PTPRE: variants seen among roughly 807,000 people sequenced by gnomAD.
PTPRE encodes the protein protein tyrosine phosphatase receptor type E.
Under a neutral mutation model 102.0 loss-of-function variants are expected in PTPRE, and 51 were observed. The observed-to-expected ratio is 0.50, with a 90% CI of 0.40 to 0.63. The LOEUF is 0.63. Ranked by LOEUF, PTPRE falls within the 30% of genes least tolerant of loss-of-function variation. The pLI is 0.00. For missense variants in PTPRE, 752 were observed against 915.1 expected (o/e 0.82, Z 2.30); for synonymous variants, 345 against 348.2 (o/e 0.99, Z 0.10).
intron 1 of PTPRE, among the ~76,000 whole-genome samples, chr10:127,912,876 G>T (rs1237264806): frequency 6.6e-6 from 1 of 152,266 alleles, no homozygotes; most frequent in African/African-American, 2.4e-5. Context: ...CCAGGTAGCA[G>T]TGGAGGAGGC....
At chr10:128,004,109 A>G (rs895727854) in intron 2 of PTPRE, among the ~76,000 whole-genome samples, 1 of 151,840 alleles carries the variant, frequency 6.6e-6, no homozygotes, top group Non-Finnish European at 1.5e-5. Flanking sequence ...AAGCACTTAG[A>G]AAGGGCAAAA....
intron 1 of PTPRE, among the ~76,000 whole-genome samples, chr10:127,914,464 T>C (rs1846072912): frequency 6.6e-6 from 1 of 152,212 alleles, no homozygotes; most frequent in Admixed American, 6.5e-5. Flanking sequence ...CATCCACTTG[T>C]TATAAAACAC....
rs1349657234 is a variant in PTPRE, at chr10:127,907,360, C to A, written c.-31+51C>A. 5 of 982,674 alleles carry A rather than the reference C, an allele frequency of 5.1e-6. No individual in the cohort carries two copies. Among genetic ancestry groups the A allele is most frequent in the Non-Finnish European group, 4.8e-6 (4 of 828,096 alleles). The allele number at this position is 982,674 out of a possible 1,614,324, so 60.9% of individuals were successfully genotyped here. Reference sequence around the variant, plus strand: ...CTGCGCCCCTGTGGGGAACTGTGCACCCCGGGAGGCCCAAGCAGGCCGGGG... The same window carrying A: ...CTGCGCCCCTGTGGGGAACTGTGCAACCCGGGAGGCCCAAGCAGGCCGGGG... On this transcript the variant is annotated intron_variant, in intron 1 of 20. Transcript: ENST00000254667. This position sits in a 1 kb window ranked among gnomAD's most constrained non-coding sequence, Gnocchi z 4.8.
chr10:128,042,994 A>G (rs534246679), intron 3 of PTPRE, among the ~76,000 whole-genome samples: 1 of 152,170 alleles, frequency 6.6e-6, no homozygotes, highest in Non-Finnish European at 1.5e-5. Context: ...CATTTTACCT[A>G]TCAGATGGAC....
chr10:128,025,742 G>A (rs1380809780), intron 2 of PTPRE, among the ~76,000 whole-genome samples: 1 of 152,142 alleles, frequency 6.6e-6, no homozygotes, highest in African/African-American at 2.4e-5. Flanking sequence ...ATGTCGGGCT[G>A]GACTTTGCCA....
chr10:127,930,394 G>T (rs1010836298), intron 1 of PTPRE, among the ~76,000 whole-genome samples: 4 of 152,122 alleles, frequency 2.6e-5, no homozygotes, highest in African/African-American at 9.7e-5. Context: ...TTTGAGTCTG[G>T]CTTCTTTCAC....
rs181528223 is a variant in PTPRE, at chr10:128,058,558, G to A, written c.511+2345G>A. On this transcript the variant is annotated intron_variant, in intron 7 of 20. Coordinates refer to ENST00000254667, the MANE Select transcript of PTPRE (RefSeq NM_006504.6). Reference sequence around the variant, plus strand: ...GTTTACAGAATGGTGGCATGGAGACGCTGTGGCCTGGCAAGGATCAATGGG... The same window carrying A: ...GTTTACAGAATGGTGGCATGGAGACACTGTGGCCTGGCAAGGATCAATGGG... Among the ~76,000 whole-genome samples the A allele has an allele frequency of 3.9e-3, 595 of 152,346 alleles. 3 individuals are homozygous for A. Among genetic ancestry groups the A allele is most frequent in the African/African-American group, 0.013 (556 of 41,578 alleles).
At chr10:127,965,381 G>A (rs1454871173) in intron 1 of PTPRE, among the ~76,000 whole-genome samples, 1 of 151,550 alleles carries the variant, frequency 6.6e-6, no homozygotes, top group Non-Finnish European at 1.5e-5. Context: ...GTGGAAATGT[G>A]AAAAAAGCCT....
At chr10:128,021,145 T>G (rs1265791217) in intron 2 of PTPRE, among the ~76,000 whole-genome samples, 1 of 152,188 alleles carries the variant, frequency 6.6e-6, no homozygotes, top group East Asian at 1.9e-4. Context: ...TCCACCTGCC[T>G]TGGCCTCCCA....
chr10:127,960,973 A>C (rs952419514), intron 1 of PTPRE, among the ~76,000 whole-genome samples: 17 of 151,482 alleles, frequency 1.1e-4, no homozygotes, highest in Admixed American at 6.6e-5. Context: ...ATGAGCTGAG[A>C]TAGCACCACT....
chr10:128,051,533 G>A (rs2135873769), intron 6 of PTPRE, among the ~76,000 whole-genome samples: 1 of 152,308 alleles, frequency 6.6e-6, no homozygotes, highest in East Asian at 1.9e-4. Flanking sequence ...TCACCACACA[G>A]CTACTCATCC....
chr10:127,916,868 T>G lies in PTPRE; in HGVS notation c.-31+9559T>G, dbSNP rs1846244035. Among the ~76,000 whole-genome samples, 7 of 152,138 alleles carry G rather than the reference T, an allele frequency of 4.6e-5. No individual in the cohort carries two copies. The South Asian group carries it at 1.4e-3, about 31-fold the overall frequency. ...CTCATTCTCCAGAAAAACGCATGTG[T>G]GCACACAGTCATTTGTATAGTTTCA... On this transcript the variant is annotated intron_variant, in intron 1 of 20. Transcript: ENST00000254667.
rs375580865 is a variant in PTPRE at position 128,048,300 on chromosome 10, G to A, written c.283+463G>A. 5.3e-5 allele frequency among the ~76,000 whole-genome samples: 8 copies of A among 152,296 alleles called. No homozygotes were observed. The East Asian group carries it at 7.7e-4, about 15-fold the overall frequency. ...GGGAGCATTTCCAACTTTTCCATCC[G>A]AAGTACAGTTTCGAACTTGTTGTCG... is the stretch of plus-strand genomic sequence containing the variant. On this transcript the variant is annotated intron_variant, in intron 5 of 20. Transcript: ENST00000254667.
chr10:128,081,112 A>G lies in PTPRE; in HGVS notation c.2028+1417A>G, dbSNP rs1388149455. On this transcript the variant is annotated intron_variant, in intron 20 of 20. Transcript: ENST00000254667. Reference sequence around the variant, plus strand: ...AAGGGAAAGGCTTAACTAGTACTGTATGCTGCCAGATCTAACATTTGGCAG... The same window carrying G: ...AAGGGAAAGGCTTAACTAGTACTGTGTGCTGCCAGATCTAACATTTGGCAG... 2.6e-5 allele frequency among the ~76,000 whole-genome samples: 4 copies of G among 151,402 alleles called. No individual in the cohort carries two copies. In the East Asian group the frequency reaches 7.8e-4, roughly 30 times the overall value.
chr10:127,975,506 C>A (rs1343398439), intron 1 of PTPRE, among the ~76,000 whole-genome samples: 1 of 152,136 alleles, frequency 6.6e-6, no homozygotes, highest in Non-Finnish European at 1.5e-5. Flanking sequence ...CGTGGACAGC[C>A]GAGTGTCAAG....
chr10:128,016,918 C>G (rs1225743344), intron 2 of PTPRE, among the ~76,000 whole-genome samples: 1 of 152,208 alleles, frequency 6.6e-6, no homozygotes, highest in Non-Finnish European at 1.5e-5. Context: ...CTGCCCCAGA[C>G]CAAATACTCA....
At chr10:128,018,992 A>G (rs1295340093) in intron 2 of PTPRE, among the ~76,000 whole-genome samples, 1 of 152,232 alleles carries the variant, frequency 6.6e-6, no homozygotes, top group Non-Finnish European at 1.5e-5. Flanking sequence ...CCACATTGAA[A>G]TCAAGGACTC....
At chr10:127,937,172 G>GC (rs1411797270) in intron 1 of PTPRE, among the ~76,000 whole-genome samples, 1 of 152,180 alleles carries the variant, frequency 6.6e-6, no homozygotes, top group African/African-American at 2.4e-5. Flanking sequence ...ATGGCATCAA[G>GC]CCTTCAAGAA....
At chr10:127,992,209 C>A (rs1370238153) in intron 2 of PTPRE, among the ~76,000 whole-genome samples, 1 of 152,070 alleles carries the variant, frequency 6.6e-6, no homozygotes, top group Non-Finnish European at 1.5e-5. Context: ...ATGGGGAAAA[C>A]AACATGACCA....
Sources: gnomAD v4.1 joint callset for allele counts (sites outside exome capture counted in the v4.1 genomes callset) on GRCh38, gnomAD v4.1.1 for gene constraint, Gnocchi (gnomAD v3.1) non-coding constraint, MANE v1.5 for transcripts, NCBI Gene and HGNC (gene_info 2026-07-23, HGNC 2026-07-21) for gene names.